Variants in NLK observed in about 807,000 individuals in gnomAD.
The protein encoded by NLK is nemo like kinase, also known as serine/threonine-protein kinase NLK.
A neutral mutation model predicts 59.0 loss-of-function variants in NLK; 11 were observed. The observed-to-expected ratio is 0.19, with a 90% confidence interval of 0.12 to 0.31. NLK has a LOEUF of 0.31. NLK is among the 10% of genes least tolerant of loss of function. The probability of loss-of-function intolerance (pLI) is 1.00; values close to 1 mark genes in which losing one functional copy is unlikely to be tolerated. For synonymous variants in NLK, 235 were observed against 235.9 expected (o/e 1.00, Z 0.03); for missense variants, 410 against 661.1 (o/e 0.62, Z 4.16).
intron 2 of NLK, among the ~76,000 whole-genome samples, chr17:28,129,900 A>G (rs1355917308): frequency 1.3e-5 from 2 of 152,206 alleles, no homozygotes; most frequent in Non-Finnish European, 2.9e-5. Flanking sequence ...TTCTAACATC[A>G]TGGAGGTTAA....
chr17:28,093,935 G>C (rs772618199), intron 1 of NLK, among the ~76,000 whole-genome samples: 1 of 152,132 alleles, frequency 6.6e-6, no homozygotes, highest in Non-Finnish European at 1.5e-5. Flanking sequence ...GATATGATCT[G>C]CATTATAACA....
At chr17:28,198,300 C>T (rs1460595056), downstream of NLK, among the ~76,000 whole-genome samples, 1 of 151,968 alleles carries the variant, frequency 6.6e-6, no homozygotes, top group Non-Finnish European at 1.5e-5. Context: ...TTCACCCAGC[C>T]GAGCACGTAT....
intron 1 of NLK, among the ~76,000 whole-genome samples, chr17:28,116,018 G>T (rs1905753383): frequency 6.6e-6 from 1 of 151,810 alleles, no homozygotes; most frequent in African/African-American, 2.4e-5. Flanking sequence ...TGTTGCTGAA[G>T]TATTTTAAAA....
intron 1 of NLK, among the ~76,000 whole-genome samples, chr17:28,090,232 A>G (rs1247560693): frequency 6.6e-6 from 1 of 152,186 alleles, no homozygotes; most frequent in Admixed American, 6.5e-5. Flanking sequence ...GTCTATATCC[A>G]TTTCTCACCT....
At chr17:28,106,303 A>G (rs1434896721) in intron 1 of NLK, among the ~76,000 whole-genome samples, 1 of 152,214 alleles carries the variant, frequency 6.6e-6, no homozygotes, top group Non-Finnish European at 1.5e-5. Context: ...AATTTATATT[A>G]CCATTTTATA....
chr17:28,144,478 C>T (rs1357107048), intron 3 of NLK, among the ~76,000 whole-genome samples: 33 of 151,876 alleles, frequency 2.2e-4, no homozygotes, highest in Non-Finnish European at 7.4e-5. Context: ...CTAAAACTTC[C>T]CAGCTGGTGG....
intron 1 of NLK, among the ~76,000 whole-genome samples, chr17:28,111,118 C>T (rs547596562): frequency 5.3e-5 from 8 of 152,210 alleles, no homozygotes; most frequent in Non-Finnish European, 8.8e-5. Context: ...AGCATATTTA[C>T]GATAGCTAGT....
At chr17:28,129,843 TGACTGA>T (rs1177987561) in intron 2 of NLK, among the ~76,000 whole-genome samples, 3 of 152,186 alleles carry the variant, frequency 2.0e-5, no homozygotes, top group Non-Finnish European at 4.4e-5. Context: ...GATAAAGGGC[TGACTGA>T]GACTAAGCTA....
At chr17:28,052,342 A>T (rs1049065115) in intron 1 of NLK, among the ~76,000 whole-genome samples, 1 of 152,218 alleles carries the variant, frequency 6.6e-6, no homozygotes, top group African/African-American at 2.4e-5. Context: ...CAGTGCTTAC[A>T]TTAATTTGCA....
chr17:28,179,785 G>C (rs187074901), intron 7 of NLK, among the ~76,000 whole-genome samples: 2 of 148,358 alleles, frequency 1.3e-5, no homozygotes, highest in Admixed American at 1.4e-4. Flanking sequence ...GGCTCAAGCA[G>C]TTCTCCCACC....
chr17:28,117,819 A>G (rs1269714963), intron 1 of NLK, among the ~76,000 whole-genome samples: 1 of 152,180 alleles, frequency 6.6e-6, no homozygotes, highest in African/African-American at 2.4e-5. Flanking sequence ...AATATAATAC[A>G]TTAAATATAG....
At chr17:28,145,996 G>A (rs1339996025) in intron 3 of NLK, among the ~76,000 whole-genome samples, 2 of 152,114 alleles carry the variant, frequency 1.3e-5, no homozygotes, top group Non-Finnish European at 1.5e-5. Context: ...ATGAGCCACC[G>A]CACCCAGCCA....
chr17:28,091,937 A>C (rs1284117451), intron 1 of NLK, among the ~76,000 whole-genome samples: 1 of 152,148 alleles, frequency 6.6e-6, no homozygotes, highest in Non-Finnish European at 1.5e-5. Context: ...TTCTTTTGAC[A>C]ACCAGCCTGT....
At chr17:28,138,747 A>G (rs1436794513) in intron 3 of NLK, among the ~76,000 whole-genome samples, 1 of 152,254 alleles carries the variant, frequency 6.6e-6, no homozygotes, top group Non-Finnish European at 1.5e-5. Flanking sequence ...CATTTATTGC[A>G]TAAACATAAG....
rs180921468 is a variant in NLK, at chr17:28,042,706, G to A, written c.-168G>A. Reference sequence around the variant, plus strand: ...TGGCAACCCACACCCTTCCACACACGCTCACCCCAAAATTAAACACCAAGA... The same window carrying A: ...TGGCAACCCACACCCTTCCACACACACTCACCCCAAAATTAAACACCAAGA... On this transcript the variant is annotated 5_prime_UTR_variant, in exon 1 of 11. Transcript: ENST00000407008. 645 of 546,612 alleles carry A rather than the reference G, an allele frequency of 1.2e-3. 1 individual carries two copies. Among genetic ancestry groups the A allele is most frequent in the Non-Finnish European group, 1.7e-3 (551 of 331,846 alleles). 33.9% of individuals were successfully genotyped at this position (546,612 alleles called of 1,614,324 possible). A position where few individuals can be genotyped will look rare whatever the true frequency, so the allele number is the denominator to read the frequency against.
At position 28,113,908 on chromosome 17, in the gene NLK, A is replaced by G. The variant is rs143075096; in HGVS notation, c.459-8695A>G. Among the ~76,000 whole-genome samples, 21 of 152,142 alleles carry G rather than the reference A, an allele frequency of 1.4e-4. 1 individual carries two copies. The highest frequency in any genetic ancestry group is 3.1e-4 in the African/African-American group (13 of 41,492). On this transcript the variant is annotated intron_variant, in intron 1 of 10. Coordinates refer to ENST00000407008, the MANE Select transcript of NLK (RefSeq NM_016231.5). ...ACTACTTCCTTTCCCGACAGTTTCTATCTCCTAAGTGTGCATCCCTAAACA... is the reference window on the plus strand; with the variant it reads ...ACTACTTCCTTTCCCGACAGTTTCTGTCTCCTAAGTGTGCATCCCTAAACA...
intron 2 of NLK, among the ~76,000 whole-genome samples, chr17:28,127,455 C>A (rs944770658): frequency 6.6e-6 from 1 of 152,154 alleles, no homozygotes; most frequent in Non-Finnish European, 1.5e-5. Flanking sequence ...TAAGTGCTAA[C>A]TAATACTAAC....
chr17:28,168,549 G>T lies in NLK; in HGVS notation c.939G>T (p.Met313Ile). 6.2e-7 allele frequency: 1 copy of T among 1,613,564 alleles called. No individual in the cohort carries two copies. The highest frequency in any genetic ancestry group is 8.5e-7 in the Non-Finnish European group (1 of 1,179,546). ...TQYYRAPEIL[M>I]GSRHYSNAID... Reference sequence around the variant, plus strand: ...ATTATCGGGCTCCAGAAATCCTGATGGGCAGCCGTCATTACAGCAATGCTA... The same window carrying T: ...ATTATCGGGCTCCAGAAATCCTGATTGGCAGCCGTCATTACAGCAATGCTA... Residue 313 changes from methionine to isoleucine, a missense_variant, in exon 6 of 11, where the codon ATG (methionine) becomes ATT (isoleucine). Around this residue, in one of 5 missense-constraint regions of NLK, gnomAD observed 150 missense variants for 244.3 expected, o/e 0.61. Coordinates refer to ENST00000407008, the MANE Select transcript of NLK (RefSeq NM_016231.5).
chr17:28,075,615 G>A (rs956616331), intron 1 of NLK, among the ~76,000 whole-genome samples: 1 of 152,162 alleles, frequency 6.6e-6, no homozygotes, highest in African/African-American at 2.4e-5. Flanking sequence ...TGAGTAAAAA[G>A]TGCCTCAACT....
Sources: gnomAD v4.1 joint callset for allele counts (sites outside exome capture counted in the v4.1 genomes callset) on GRCh38, gnomAD v4.1.1 for gene constraint, gnomAD v4.1.1 regional missense constraint, MANE v1.5 for transcripts, NCBI Gene and HGNC (gene_info 2026-07-23, HGNC 2026-07-21) for gene names.